TSGA10: variants seen among roughly 807,000 people sequenced by gnomAD.
The protein encoded by TSGA10 is testis specific 10, also known as testis-specific gene 10 protein.
Under a neutral mutation model 96.6 loss-of-function variants are expected in TSGA10, and 43 were observed. That is an observed-to-expected ratio of 0.44 (90% CI 0.35 to 0.57). TSGA10 has a LOEUF of 0.57. Ranked by LOEUF, TSGA10 falls within the 20% of genes least tolerant of loss-of-function variation. The pLI is 0.01. For missense variants in TSGA10, 703 were observed against 834.4 expected, an observed-to-expected ratio of 0.84 and a Z score of 1.94; for synonymous variants, 229 against 269.9, an observed-to-expected ratio of 0.85 and a Z score of 1.48.
At chr2:98,999,962 C>T (rs1231774600) in intron 20 of TSGA10, among the ~76,000 whole-genome samples, 2 of 152,142 alleles carry the variant, frequency 1.3e-5, no homozygotes, top group Non-Finnish European at 2.9e-5. Flanking sequence ...TTCACCATTG[C>T]CCAGGCTGGT....
chr2:99,074,424 A>G (rs2086431870), intron 12 of TSGA10, among the ~76,000 whole-genome samples: 1 of 150,954 alleles, frequency 6.6e-6, no homozygotes. Context: ...TTTTAGCTAC[A>G]GTTTCCCATT....
At chr2:99,113,825 G>A (rs1405335420) in intron 4 of TSGA10, among the ~76,000 whole-genome samples, 2 of 152,122 alleles carry the variant, frequency 1.3e-5, no homozygotes, top group Non-Finnish European at 2.9e-5. Context: ...GGAATTACAG[G>A]TGTAAACCAC....
At chr2:99,084,412 T>C (rs769197793) in intron 10 of TSGA10, among the ~76,000 whole-genome samples, 2 of 151,834 alleles carry the variant, frequency 1.3e-5, no homozygotes, top group Non-Finnish European at 2.9e-5. Flanking sequence ...ACATGAGATC[T>C]GGCTGTTCAA....
intron 20 of TSGA10, among the ~76,000 whole-genome samples, chr2:99,003,178 A>C (rs2078106191): frequency 1.3e-5 from 2 of 152,176 alleles, no homozygotes. Context: ...TTAAACCAAC[A>C]AAGATCAAAA....
rs1015644109 is a variant in TSGA10 at position 99,128,006 on chromosome 2, C to A, written c.-620-830G>T. Among the ~76,000 whole-genome samples, 5 of 152,298 alleles carry A rather than the reference C, an allele frequency of 3.3e-5. No homozygotes were observed. The South Asian group carries it at 1.0e-3, about 32-fold the overall frequency. On this transcript the variant is annotated intron_variant, in intron 1 of 20. Coordinates refer to ENST00000393483, the MANE Select transcript of TSGA10 (RefSeq NM_025244.4). ...CACGCTATTTTACTTGACAACATAT[C>A]TTAGAGACTGTGTAACTTAGGAAAA...
chr2:99,007,558 C>T (rs879686350), intron 20 of TSGA10, among the ~76,000 whole-genome samples: 2 of 152,082 alleles, frequency 1.3e-5, no homozygotes, highest in Non-Finnish European at 2.9e-5. Flanking sequence ...TGAAGAATGA[C>T]AGTTCAGAAT....
At chr2:99,086,847 A>G (rs191721529) in intron 10 of TSGA10, among the ~76,000 whole-genome samples, 4 of 152,230 alleles carry the variant, frequency 2.6e-5, no homozygotes, top group African/African-American at 4.8e-5. Context: ...AAATCTACCA[A>G]AAAACTGAGG....
At chr2:99,019,450 A>T (rs2079820609) in intron 18 of TSGA10, among the ~76,000 whole-genome samples, 1 of 152,188 alleles carries the variant, frequency 6.6e-6, no homozygotes, top group Admixed American at 6.5e-5. Flanking sequence ...AGCTACAGTA[A>T]TGGAAAAGAA....
intron 17 of TSGA10, among the ~76,000 whole-genome samples, chr2:99,033,675 A>T (rs751512493): frequency 9.2e-5 from 14 of 152,122 alleles, no homozygotes; most frequent in Non-Finnish European, 1.9e-4. Context: ...ATGCTGTCTT[A>T]CTAAAAATAC....
At chr2:99,005,020 A>G (rs1248309109) in intron 20 of TSGA10, among the ~76,000 whole-genome samples, 2 of 152,242 alleles carry the variant, frequency 1.3e-5, no homozygotes, top group Non-Finnish European at 2.9e-5. Flanking sequence ...TCCAGCATAT[A>G]AACAGAACCA....
At chr2:99,002,259 G>A (rs2077995342) in intron 20 of TSGA10, among the ~76,000 whole-genome samples, 1 of 152,208 alleles carries the variant, frequency 6.6e-6, no homozygotes, top group Admixed American at 6.5e-5. Context: ...CCCACAAGGG[G>A]AAGCCCATCA....
At chr2:99,025,639 A>C (rs544207144) in intron 17 of TSGA10, among the ~76,000 whole-genome samples, 2 of 152,002 alleles carry the variant, frequency 1.3e-5, no homozygotes, top group East Asian at 3.9e-4. Context: ...CTGTGGGTTT[A>C]GTTTGTTCCC....
chr2:99,102,790 A>G (rs915012314), intron 10 of TSGA10: 1 of 1,489,482 alleles, frequency 6.7e-7, no homozygotes, highest in Non-Finnish European at 9.4e-7. Context: ...AGTTGTGTAT[A>G]GTAATATGAT....
intron 10 of TSGA10, chr2:99,102,890 GTATTT>G (rs2090933805): frequency 1.5e-6 from 1 of 679,042 alleles, no homozygotes; most frequent in East Asian, 2.7e-5. Context: ...ATTTGTCTTT[GTATTT>G]TATAAGATAC....
At chr2:99,017,985 C>T (rs183759640) in intron 20 of TSGA10, among the ~76,000 whole-genome samples, 12 of 151,952 alleles carry the variant, frequency 7.9e-5, no homozygotes, top group Admixed American at 3.9e-4. Context: ...ATAATTTATG[C>T]AAACAGATAA....
At chr2:99,143,785 T>C (rs1244873859) in intron 1 of TSGA10, among the ~76,000 whole-genome samples, 1 of 152,160 alleles carries the variant, frequency 6.6e-6, no homozygotes, top group African/African-American at 2.4e-5. Flanking sequence ...CTAAGCCTTA[T>C]ATAGTACCCT....
intron 20 of TSGA10, among the ~76,000 whole-genome samples, chr2:99,014,803 G>A (rs1558726055): frequency 6.6e-6 from 1 of 152,002 alleles, no homozygotes; most frequent in African/African-American, 2.4e-5. Flanking sequence ...AATGAAACAG[G>A]AGATATTACA....
intron 9 of TSGA10, among the ~76,000 whole-genome samples, chr2:99,104,478 A>G (rs2091117325): frequency 6.8e-6 from 1 of 146,418 alleles, no homozygotes; most frequent in East Asian, 2.0e-4. Context: ...CTGTCTAGTA[A>G]TTTTTTTTTT....
At chr2:99,042,708 CTT>C (rs762749031) in intron 16 of TSGA10, among the ~76,000 whole-genome samples, 2 of 144,502 alleles carry the variant, frequency 1.4e-5, no homozygotes. Flanking sequence ...GTTTTGTGAG[CTT>C]TTTTTTTTTT....
Sources: gnomAD v4.1 joint callset for allele counts (sites outside exome capture counted in the v4.1 genomes callset) on GRCh38, gnomAD v4.1.1 for gene constraint, MANE v1.5 for transcripts, NCBI Gene and HGNC (gene_info 2026-07-23, HGNC 2026-07-21) for gene names.